HMGCLL1: variants seen among roughly 807,000 people sequenced by gnomAD.
HMGCLL1 encodes the protein 3-hydroxymethyl-3-methylglutaryl-CoA lyase, cytoplasmic.
In HMGCLL1, 36 loss-of-function variants were observed where a neutral mutation model predicts 39.1. The observed-to-expected ratio is 0.92, with a 90% CI of 0.71 to 1.22. The LOEUF is 1.22. Ranked by LOEUF, HMGCLL1 falls within the 50% of genes most tolerant of loss-of-function variation. HMGCLL1 has a pLI of 0.00. For missense variants in HMGCLL1, 451 were observed against 416.5 expected, an observed-to-expected ratio of 1.08 and a Z score of -0.72; for synonymous variants, 149 against 144.0, an observed-to-expected ratio of 1.03 and a Z score of -0.25.
chr6:55,513,989 T>A, intron 5 of HMGCLL1, 59 bp downstream of exon 5: 1 of 1,432,838 alleles, frequency 7.0e-7, no homozygotes, highest in Admixed American at 2.1e-5. Context: ...TAGATAATTT[T>A]TGAGTAAGCT....
chr6:55,517,636 A>T lies in HMGCLL1; in HGVS notation c.298-1033T>A, dbSNP rs1561931627. 2.0e-5 allele frequency among the ~76,000 whole-genome samples: 3 copies of T among 151,960 alleles called. No individual in the cohort carries two copies. The South Asian group carries it at 6.2e-4, about 31-fold the overall frequency. ...AAAAGCAAATAAATCCAAACAAAAAATGCTTTTTAAAACATAGTTAAATAC... is the reference window on the plus strand; with the variant it reads ...AAAAGCAAATAAATCCAAACAAAAATTGCTTTTTAAAACATAGTTAAATAC... On this transcript the variant is annotated intron_variant, in intron 3 of 8. Coordinates refer to ENST00000274901, the MANE Select transcript of HMGCLL1 (RefSeq NM_001042406.2).
chr6:55,566,803 T>C (rs1362331882), intron 1 of HMGCLL1, among the ~76,000 whole-genome samples: 1 of 152,122 alleles, frequency 6.6e-6, no homozygotes, highest in Non-Finnish European at 1.5e-5. Flanking sequence ...CCACCAGGAT[T>C]TAAAAGTAGG....
At chr6:55,496,220 A>G (rs548026185) in intron 6 of HMGCLL1, among the ~76,000 whole-genome samples, 36 of 152,296 alleles carry the variant, frequency 2.4e-4, no homozygotes, top group African/African-American at 8.2e-4. Flanking sequence ...AGAAATGTCA[A>G]AAAAGAAAAA....
chr6:55,535,669 C>T (rs1347921630), intron 3 of HMGCLL1, among the ~76,000 whole-genome samples: 9 of 152,032 alleles, frequency 5.9e-5, no homozygotes, highest in African/African-American at 1.9e-4. Flanking sequence ...TCCTATAGCA[C>T]CAGGGAATAA....
At chr6:55,640,807 T>C in the HMGCLL1 span, among the ~76,000 whole-genome samples, 1 of 151,782 alleles carries the variant, frequency 6.6e-6, no homozygotes, top group East Asian at 1.9e-4. Context: ...AAAATTTTAC[T>C]TCTATGAACT....
intron 7 of HMGCLL1, among the ~76,000 whole-genome samples, chr6:55,469,961 G>T (rs1013259031): frequency 6.6e-6 from 1 of 151,892 alleles, no homozygotes; most frequent in Non-Finnish European, 1.5e-5. Flanking sequence ...ACTGTCAAGA[G>T]AATTTTAAAG....
the HMGCLL1 span, among the ~76,000 whole-genome samples, chr6:55,587,621 G>C: frequency 6.6e-6 from 1 of 152,016 alleles, no homozygotes; most frequent in African/African-American, 2.4e-5. Flanking sequence ...ATAGGAAAAA[G>C]AGTCAAGACC....
intron 6 of HMGCLL1, 41 bp downstream of exon 6, chr6:55,499,195 T>C (rs1766741018): frequency 3.4e-6 from 5 of 1,474,270 alleles, no homozygotes; most frequent in Non-Finnish European, 4.7e-6. Flanking sequence ...ATAATATATA[T>C]CATGTTACCA....
At chr6:55,575,039 G>A (rs1771695455) in intron 1 of HMGCLL1, among the ~76,000 whole-genome samples, 2 of 151,986 alleles carry the variant, frequency 1.3e-5, no homozygotes, top group Admixed American at 1.3e-4. Context: ...AAGAGATTTA[G>A]TTATTGCTTA....
At chr6:55,573,143 GA>G (rs1315433907) in intron 1 of HMGCLL1, among the ~76,000 whole-genome samples, 1 of 152,092 alleles carries the variant, frequency 6.6e-6, no homozygotes, top group Non-Finnish European at 1.5e-5. Flanking sequence ...AGGATGAAGA[GA>G]AAAAAGTAAA....
chr6:55,605,729 G>A, the HMGCLL1 span, among the ~76,000 whole-genome samples: 1 of 152,096 alleles, frequency 6.6e-6, no homozygotes, highest in African/African-American at 2.4e-5. Flanking sequence ...CTATAGTGCT[G>A]TATCCTCCAG....
At chr6:55,514,397 A>C (rs1029304653) in intron 4 of HMGCLL1, among the ~76,000 whole-genome samples, 1 of 152,214 alleles carries the variant, frequency 6.6e-6, no homozygotes, top group East Asian at 1.9e-4. Context: ...AATAATCCAC[A>C]AACTGCAATA....
At chr6:55,607,889 T>C in the HMGCLL1 span, among the ~76,000 whole-genome samples, 1 of 152,202 alleles carries the variant, frequency 6.6e-6, no homozygotes, top group Admixed American at 6.5e-5. Flanking sequence ...GAACAAGTCA[T>C]CCTTTCAGTT....
chr6:55,555,437 T>G (rs1770602319), intron 1 of HMGCLL1, among the ~76,000 whole-genome samples: 1 of 152,234 alleles, frequency 6.6e-6, no homozygotes, highest in South Asian at 2.1e-4. Flanking sequence ...CATCAGCATG[T>G]TATATATGCA....
chr6:55,614,904 A>C, the HMGCLL1 span, among the ~76,000 whole-genome samples: 1 of 152,046 alleles, frequency 6.6e-6, no homozygotes, highest in Non-Finnish European at 1.5e-5. Context: ...GCACTTTGGG[A>C]GGCCAGGGAG....
At chr6:55,646,051 A>G in the HMGCLL1 span, among the ~76,000 whole-genome samples, 8 of 151,834 alleles carry the variant, frequency 5.3e-5, no homozygotes, top group Non-Finnish European at 8.8e-5. Flanking sequence ...AAGATTTTTT[A>G]TTACAGCTTT....
At chr6:55,466,515 G>A (rs1227345530) in intron 7 of HMGCLL1, among the ~76,000 whole-genome samples, 4 of 152,122 alleles carry the variant, frequency 2.6e-5, no homozygotes, top group African/African-American at 9.7e-5. Context: ...GGACAGCTAT[G>A]CATTTAACAA....
the HMGCLL1 span, among the ~76,000 whole-genome samples, chr6:55,618,709 T>C: frequency 2.6e-5 from 4 of 152,088 alleles, no homozygotes; most frequent in East Asian, 7.7e-4. Flanking sequence ...GTAAGTATGT[T>C]ATAAGATTGT....
At chr6:55,612,027 A>T in the HMGCLL1 span, among the ~76,000 whole-genome samples, 1 of 152,206 alleles carries the variant, frequency 6.6e-6, no homozygotes, top group Non-Finnish European at 1.5e-5. Context: ...CCTTGTTTGT[A>T]GATGACTTTA....
Sources: allele counts gnomAD v4.1 joint callset (sites outside exome capture counted in the v4.1 genomes callset), GRCh38; gene constraint gnomAD v4.1.1; transcripts MANE v1.5; gene names NCBI Gene and HGNC (gene_info 2026-07-23, HGNC 2026-07-21).